CHMP4B: variants seen among roughly 807,000 people sequenced by gnomAD.
CHMP4B encodes SNF7 homolog associated with Alix 1.
Under a neutral mutation model 25.1 loss-of-function variants are expected in CHMP4B, and 1 was observed. The ratio of observed to expected loss-of-function variants is 0.04; its 90% CI spans 0.01 to 0.19. The LOEUF (loss-of-function observed/expected upper bound fraction) is 0.19. CHMP4B is among the 10% of genes least tolerant of loss of function. The pLI, the probability that CHMP4B is intolerant of heterozygous loss-of-function variation, is 1.00. For synonymous variants in CHMP4B, 101 were observed against 115.6 expected (o/e 0.87, Z 0.81); for missense variants, 151 against 289.7 (o/e 0.52, Z 3.48).
Position 33,813,143 on chromosome 20 carries a change from T to TAA in CHMP4B, c.190+1500_190+1501dup, listed in dbSNP as rs754102878. 8.2e-4 allele frequency among the ~76,000 whole-genome samples: 92 copies of TAA among 111,992 alleles called. No individual in the cohort carries two copies. In the East Asian group the frequency reaches 0.011, roughly 14 times the overall value. The allele number at this position is 111,992 out of a possible 152,430, so 73.5% of individuals were successfully genotyped here. A position where few individuals can be genotyped will look rare whatever the true frequency, so the allele number is the denominator to read the frequency against. On this transcript the variant is annotated intron_variant, in intron 1 of 4. Transcript: ENST00000217402. Reference sequence around the variant, plus strand: ...GAGTCTGGAGAAGGAACCAGCTCTGTAAAAAAAAAAAAAAAAGGGGGAGGA... The same window carrying TAA: ...GAGTCTGGAGAAGGAACCAGCTCTGTAAAAAAAAAAAAAAAAAAGGGGGAGGA...
chr20:33,817,526 G>A (rs145731287), intron 1 of CHMP4B, among the ~76,000 whole-genome samples: 12 of 149,990 alleles, frequency 8.0e-5, no homozygotes, highest in African/African-American at 2.7e-4. Flanking sequence ...TGAGTGTGGA[G>A]CGAGGTCTTG....
At chr20:33,832,080 G>A (rs1385389745) in intron 1 of CHMP4B, among the ~76,000 whole-genome samples, 3 of 152,030 alleles carry the variant, frequency 2.0e-5, no homozygotes, top group African/African-American at 7.3e-5. Flanking sequence ...TCTAACAAGC[G>A]CGCACATTGG....
intron 1 of CHMP4B, among the ~76,000 whole-genome samples, chr20:33,844,348 CAGGTTCAATTTAGTAGA>C (rs1335146801): frequency 2.0e-5 from 3 of 152,202 alleles, no homozygotes; most frequent in Non-Finnish European, 4.4e-5. Context: ...AATGAAATTG[CAGGTTCAATTTAGTAGA>C]TACTAAGCAC....
intron 2 of CHMP4B, among the ~76,000 whole-genome samples, chr20:33,849,104 T>G (rs1390851926): frequency 6.6e-6 from 1 of 152,230 alleles, no homozygotes; most frequent in East Asian, 1.9e-4. Flanking sequence ...CTATGTCTGC[T>G]TTTGATGGCG....
intron 1 of CHMP4B, among the ~76,000 whole-genome samples, chr20:33,830,710 G>A (rs1979215440): frequency 6.6e-6 from 1 of 152,050 alleles, no homozygotes; most frequent in African/African-American, 2.4e-5. Flanking sequence ...ATCTCCAAAT[G>A]CAGCCACACT....
Position 33,848,613 on chromosome 20 carries a change from G to A in CHMP4B, c.337G>A (p.Ala113Thr), listed in dbSNP as rs991429645. The change falls in exon 2 of 5, where the codon GCC (alanine) becomes ACC (threonine). Residue 113 changes from alanine (A) to threonine (T), a missense_variant. Coordinates refer to ENST00000217402, the MANE Select transcript of CHMP4B (RefSeq NM_176812.5). ...GGTGCTCAAGAACATGGGCTATGCCGCCAAGGCCATGAAGGCGGCCCATGA... is the reference window on the plus strand; with the variant it reads ...GGTGCTCAAGAACATGGGCTATGCCACCAAGGCCATGAAGGCGGCCCATGA... ...TEVLKNMGYA[A>T]KAMKAAHDNM... 6.2e-7 allele frequency: 1 copy of A among 1,614,098 alleles called. No homozygotes were observed. Among genetic ancestry groups the A allele is most frequent in the African/African-American group, 1.3e-5 (1 of 74,940 alleles).
At chr20:33,845,676 G>C (rs1053511092) in intron 1 of CHMP4B, among the ~76,000 whole-genome samples, 1 of 152,226 alleles carries the variant, frequency 6.6e-6, no homozygotes, top group Non-Finnish European at 1.5e-5. Context: ...GATGGAGCTG[G>C]CTGGAGGGGA....
chr20:33,850,069 G>T (rs1979803604), intron 2 of CHMP4B, among the ~76,000 whole-genome samples: 1 of 152,208 alleles, frequency 6.6e-6, no homozygotes, highest in Non-Finnish European at 1.5e-5. Context: ...GAGTCACTGT[G>T]CCTAGCCTTA....
chr20:33,818,057 A>C (rs1363685356), intron 1 of CHMP4B, among the ~76,000 whole-genome samples: 1 of 152,224 alleles, frequency 6.6e-6, no homozygotes, highest in Non-Finnish European at 1.5e-5. Context: ...AAATACTACC[A>C]ATACTTACTT....
chr20:33,852,316 G>T (rs1219077032), intron 4 of CHMP4B, 113 bp downstream of exon 4: 5 of 1,290,932 alleles, frequency 3.9e-6, no homozygotes, highest in Non-Finnish European at 3.4e-6. Context: ...GTTGGCTTTG[G>T]TCTGTGTCCT....
intron 1 of CHMP4B, among the ~76,000 whole-genome samples, chr20:33,841,152 G>A (rs567149039): frequency 1.3e-5 from 2 of 152,128 alleles, no homozygotes; most frequent in Non-Finnish European, 2.9e-5. Context: ...ACAGATAAGG[G>A]GCTTCTTTCT....
chr20:33,825,051 C>T (rs1200396467), intron 1 of CHMP4B, among the ~76,000 whole-genome samples: 1 of 152,178 alleles, frequency 6.6e-6, no homozygotes, highest in Non-Finnish European at 1.5e-5. Context: ...TAGCCCAAGG[C>T]CACCTGGCTC....
chr20:33,826,738 G>A (rs1244926834), intron 1 of CHMP4B, among the ~76,000 whole-genome samples: 4 of 152,142 alleles, frequency 2.6e-5, no homozygotes, highest in African/African-American at 7.2e-5. Context: ...GCTTGGTAGA[G>A]GCAGAACAGC....
At chr20:33,843,342 G>A (rs1355224921) in intron 1 of CHMP4B, among the ~76,000 whole-genome samples, 2 of 152,178 alleles carry the variant, frequency 1.3e-5, no homozygotes, top group African/African-American at 4.8e-5. Flanking sequence ...AGATTCCAAG[G>A]ACTGTTTTTT....
chr20:33,851,930 A>G lies in CHMP4B; in HGVS notation c.484-147A>G, dbSNP rs1214992402. ...GTAGAAGCTGCTTTAGGATATTTGA[A>G]TCACAGGGTCTGGAACCTGGAATTC... On this transcript the variant is annotated intron_variant, in intron 3 of 4. Transcript: ENST00000217402. 4.9e-6 allele frequency: 5 copies of G among 1,016,054 alleles called. No homozygotes were observed. In the Admixed American group the frequency reaches 5.1e-5, roughly 10 times the overall value. The allele number at this position is 1,016,054 out of a possible 1,614,324, so 62.9% of individuals were successfully genotyped here. A position where few individuals can be genotyped will look rare whatever the true frequency, so the allele number is the denominator to read the frequency against.
intron 1 of CHMP4B, among the ~76,000 whole-genome samples, chr20:33,827,900 G>C (rs747211112): frequency 5.3e-5 from 8 of 152,206 alleles, no homozygotes; most frequent in Non-Finnish European, 1.0e-4. Context: ...GGCCTGACTT[G>C]AGTCATTTTA....
At chr20:33,833,428 G>A (rs1378361326) in intron 1 of CHMP4B, among the ~76,000 whole-genome samples, 1 of 152,082 alleles carries the variant, frequency 6.6e-6, no homozygotes, top group Admixed American at 6.5e-5. Context: ...ACCCTCTCCT[G>A]GTCAGCCCCT....
rs1263846010 is a variant in CHMP4B at position 33,811,519 on chromosome 20, G to A, written c.51G>A (p.Lys17=). ...GGGCTGGAGGGGGTAAGGCCGGCAA[G>A]GGCGGCCCGACCCCCCAGGAGGCCA... The part of the protein sequence containing the change: ...LFGAGGGKAG[K]GGPTPQEAIQ... The change falls in exon 1 of 5, where the codon AAG becomes AAA. Residue 17 remains lysine, a synonymous_variant. Transcript: ENST00000217402. 1.2e-6 allele frequency: 2 copies of A among 1,605,462 alleles called. No homozygotes were observed. Among genetic ancestry groups the A allele is most frequent in the Admixed American group, 1.7e-5 (1 of 58,384 alleles).
At chr20:33,841,123 T>G (rs1307383994) in intron 1 of CHMP4B, among the ~76,000 whole-genome samples, 1 of 152,254 alleles carries the variant, frequency 6.6e-6, no homozygotes, top group Non-Finnish European at 1.5e-5. Flanking sequence ...CTTATTTCTT[T>G]CATCTTTGTC....
Sources: allele counts gnomAD v4.1 joint callset (sites outside exome capture counted in the v4.1 genomes callset), GRCh38; gene constraint gnomAD v4.1.1; transcripts MANE v1.5; gene names NCBI Gene and HGNC (gene_info 2026-07-23, HGNC 2026-07-21).